The following CA13 variants were observed in gnomAD, a reference collection of about 807,000 sequenced individuals.
The protein encoded by CA13 is CA-XIII.
A neutral mutation model predicts 31.5 loss-of-function variants in CA13; 21 were observed. The observed-to-expected ratio is 0.67, with a 90% CI of 0.47 to 0.96. The LOEUF is 0.96. Ranked by LOEUF, CA13 falls within the 40% of genes least tolerant of loss-of-function variation. The pLI, the probability that CA13 is intolerant of heterozygous loss-of-function variation, is 0.00. For missense variants in CA13, 315 were observed against 318.9 expected (o/e 0.99, Z 0.09); for synonymous variants, 117 against 111.4 (o/e 1.05, Z -0.32).
intron 2 of CA13, among the ~76,000 whole-genome samples, chr8:85,256,048 A>C (rs1486454781): frequency 1.3e-5 from 2 of 152,158 alleles, no homozygotes; most frequent in Non-Finnish European, 2.9e-5. Context: ...AAAAAAAAAA[A>C]ACTTGTATGA....
At position 85,281,415 on chromosome 8, in the gene CA13, A is replaced by G. The variant is rs1157895786; in HGVS notation, c.*66A>G. The G allele has an allele frequency of 3.8e-5, 59 of 1,566,502 alleles. No individual in the cohort carries two copies. Among genetic ancestry groups the G allele is most frequent in the Non-Finnish European group, 4.7e-5 (54 of 1,149,034 alleles). On this transcript the variant is annotated 3_prime_UTR_variant, in exon 7 of 7. Transcript: ENST00000321764. ...AGACAACAAAACAAAACAAAGCACA[A>G]AAGTCTCTGCCAACAACTCTTTTGT...
intron 4 of CA13, chr8:85,267,400 A>G (rs570229717): frequency 3.4e-6 from 2 of 590,708 alleles, no homozygotes; most frequent in African/African-American, 4.0e-5. Flanking sequence ...AGGATCATTT[A>G]TGTATCTATA....
At chr8:85,267,458 C>A in intron 4 of CA13, 1 of 263,418 alleles carries the variant, frequency 3.8e-6, no homozygotes, top group Non-Finnish European at 5.9e-6. Context: ...GATTTGGGAC[C>A]TCAAATCATT....
intron 3 of CA13, among the ~76,000 whole-genome samples, chr8:85,262,625 CCACTGAAAGGCTTTCCATTGGGAAGT>C (rs1807399742): frequency 2.0e-5 from 3 of 152,084 alleles, no homozygotes. Flanking sequence ...CAATGGGAAG[CCACTGAAAGGCTTTCCATTGGGAAGT>C]GGTGATATTT....
intron 2 of CA13, among the ~76,000 whole-genome samples, chr8:85,252,936 G>GT (rs199977792): frequency 1.3e-5 from 2 of 150,174 alleles, no homozygotes; most frequent in African/African-American, 2.4e-5. Context: ...AAAGTAGTAA[G>GT]TTTTTTTTTC....
At chr8:85,276,550 A>G (rs1469359905) in intron 6 of CA13, among the ~76,000 whole-genome samples, 4 of 152,264 alleles carry the variant, frequency 2.6e-5, no homozygotes, top group South Asian at 2.1e-4. Flanking sequence ...AACTATTCCA[A>G]TCGGCACTCT....
At position 85,245,592 on chromosome 8, in the gene CA13, A is replaced by C; in HGVS notation, c.-237A>C. The C allele has an allele frequency of 1.8e-6, 1 of 552,478 alleles. No homozygotes were observed. The allele number at this position is 552,478 out of a possible 1,614,324, so 34.2% of individuals were successfully genotyped here. A position where few individuals can be genotyped will look rare whatever the true frequency, so the allele number is the denominator to read the frequency against. On this transcript the variant is annotated 5_prime_UTR_variant, in exon 1 of 7. Transcript: ENST00000321764. ...ACTCAAATCTCTCATTCCCGAGTCC[A>C]AACTAAGAGAGACTCGCGCCCCAGG...
At chr8:85,260,117 G>A (rs1006744954) in intron 3 of CA13, among the ~76,000 whole-genome samples, 17 of 151,406 alleles carry the variant, frequency 1.1e-4, no homozygotes, top group African/African-American at 4.1e-4. Context: ...CAGTTTATTG[G>A]TAAATCATAA....
chr8:85,252,793 G>T (rs1807217192), intron 2 of CA13, among the ~76,000 whole-genome samples: 1 of 152,000 alleles, frequency 6.6e-6, no homozygotes, highest in South Asian at 2.1e-4. Context: ...ATCCTTAATT[G>T]AAAGAAAGTT....
In CA13 at chr8:85,283,663, T is replaced by A. The variant is rs770243417; in HGVS notation, c.*2314T>A. The A allele has an allele frequency of 2.0e-5, 3 of 152,640 alleles. No individual in the cohort carries two copies. Among genetic ancestry groups the A allele is most frequent in the Non-Finnish European group, 2.9e-5 (2 of 68,032 alleles). 9.5% of individuals were successfully genotyped at this position (152,640 alleles called of 1,614,324 possible). The stretch of plus-strand genomic sequence containing the variant: ...TGGAAAGACCTGTGAAGTATCCTAG[T>A]CAGGGAAAGAACCTGTTTTCTGGAA... On this transcript the variant is annotated 3_prime_UTR_variant, in exon 7 of 7. Transcript: ENST00000321764.
intron 3 of CA13, among the ~76,000 whole-genome samples, chr8:85,262,621 G>GA (rs1181452697): frequency 1.3e-5 from 2 of 152,190 alleles, no homozygotes; most frequent in Non-Finnish European, 2.9e-5. Flanking sequence ...AGTGCAATGG[G>GA]AAGCCACTGA....
At chr8:85,247,033 A>T (rs904884302) in intron 1 of CA13, among the ~76,000 whole-genome samples, 1 of 152,214 alleles carries the variant, frequency 6.6e-6, no homozygotes, top group African/African-American at 2.4e-5. Context: ...GTTTTTAAAC[A>T]TGCTAGTTTA....
intron 2 of CA13, among the ~76,000 whole-genome samples, chr8:85,253,066 C>T (rs1288090664): frequency 6.6e-6 from 1 of 151,988 alleles, no homozygotes; most frequent in Non-Finnish European, 1.5e-5. Context: ...CTGCCTCCGC[C>T]TCCCAAGTAG....
intron 2 of CA13, among the ~76,000 whole-genome samples, 187 bp downstream of exon 2, chr8:85,251,124 C>T (rs1243469505): frequency 4.6e-5 from 7 of 151,908 alleles, no homozygotes; most frequent in African/African-American, 1.7e-4. Context: ...GCCTCAGCCT[C>T]CCGAGTAACT....
chr8:85,281,125 A>G, intron 6 of CA13, 105 bp from the exon 7 acceptor site: 2 of 1,339,746 alleles, frequency 1.5e-6, no homozygotes, highest in South Asian at 1.5e-5. Context: ...TTTTCATTGC[A>G]GTATTTTTTG....
intron 6 of CA13, among the ~76,000 whole-genome samples, chr8:85,269,785 A>C (rs182246335): frequency 1.3e-5 from 2 of 152,216 alleles, no homozygotes; most frequent in African/African-American, 4.8e-5. Context: ...CCTCACTCCA[A>C]CCTTGAACTC....
chr8:85,251,062 C>A, intron 2 of CA13, 125 bp downstream of exon 2: 1 of 815,608 alleles, frequency 1.2e-6, no homozygotes, highest in Non-Finnish European at 2.0e-6. Context: ...AGTGTAGTGG[C>A]GCGATCTTGG....
intron 3 of CA13, among the ~76,000 whole-genome samples, chr8:85,260,372 C>T (rs1845893): frequency 6.6e-6 from 1 of 152,176 alleles, no homozygotes; most frequent in South Asian, 2.1e-4. Flanking sequence ...AATTTGGTTT[C>T]TGAGTCGCCT....
intron 6 of CA13, among the ~76,000 whole-genome samples, chr8:85,280,187 G>A (rs762297244): frequency 3.4e-4 from 51 of 152,156 alleles, no homozygotes; most frequent in Admixed American, 1.1e-3. Flanking sequence ...GGCTGAGGCA[G>A]GAGAATTGCT....
Sources: gnomAD v4.1 joint callset for allele counts (sites outside exome capture counted in the v4.1 genomes callset) on GRCh38, gnomAD v4.1.1 for gene constraint, MANE v1.5 for transcripts, NCBI Gene and HGNC (gene_info 2026-07-23, HGNC 2026-07-21) for gene names.